The following CELF2 variants were observed in gnomAD, a reference collection of about 807,000 sequenced individuals.
The protein encoded by CELF2 is CUGBP Elav-like family member 2.
CELF2 carries 8 observed loss-of-function variants against 62.6 expected under a neutral mutation model. That is an observed-to-expected ratio of 0.13 (90% CI 0.07 to 0.23). CELF2 has a LOEUF of 0.23. Among genes scored for constraint, CELF2 ranks in the 10% least tolerant of loss-of-function variants. CELF2 has a pLI of 1.00. For missense variants in CELF2, 333 were observed against 671.0 expected (o/e 0.50, Z 5.56); for synonymous variants, 258 against 250.0 (o/e 1.03, Z -0.30).
chr10:10,856,637 T>C (rs989833541), intron 1 of CELF2, among the ~76,000 whole-genome samples: 1 of 152,212 alleles, frequency 6.6e-6, no homozygotes, highest in Admixed American at 6.5e-5. Flanking sequence ...GTTGAGTCAC[T>C]AGACACATTT....
intron 1 of CELF2, among the ~76,000 whole-genome samples, chr10:11,103,393 AT>A (rs1424502824): frequency 4.8e-5 from 7 of 146,478 alleles, no homozygotes; most frequent in Admixed American, 3.4e-4. Flanking sequence ...TTTCACTTAC[AT>A]TTTTATTAAC....
chr10:10,586,848 C>T, the CELF2 span, among the ~76,000 whole-genome samples: 1 of 152,130 alleles, frequency 6.6e-6, no homozygotes, highest in Non-Finnish European at 1.5e-5. Context: ...GTGGTTCTTA[C>T]AGTCAGGAGG....
At chr10:11,067,262 C>T (rs1343264468) in intron 1 of CELF2, among the ~76,000 whole-genome samples, 1 of 152,182 alleles carries the variant, frequency 6.6e-6, no homozygotes, top group Non-Finnish European at 1.5e-5. Flanking sequence ...AGATTAAAAA[C>T]ACTGGGCTTA....
At chr10:11,206,970 C>CG (rs1331989624) in intron 2 of CELF2, among the ~76,000 whole-genome samples, 1 of 151,972 alleles carries the variant, frequency 6.6e-6, no homozygotes, top group African/African-American at 2.4e-5. Flanking sequence ...ATTGTCCCAT[C>CG]GGGGGAAAAA....
chr10:11,159,552 C>G lies in CELF2; in HGVS notation c.75-5934C>G, dbSNP rs1023464510. 2.0e-5 allele frequency among the ~76,000 whole-genome samples: 3 copies of G among 152,200 alleles called. No homozygotes were observed. Among genetic ancestry groups the G allele is most frequent in the African/African-American group, 7.2e-5 (3 of 41,432 alleles). On this transcript the variant is annotated intron_variant, in intron 1 of 12. Transcript: ENST00000633077. This position sits in a 1 kb window ranked among gnomAD's most constrained non-coding sequence, Gnocchi z 5.0. ...AGGGCCTGAGTTTCTGATGTGTTCTCCAGCATGCAGTGTGGGAAGGAGCTG... is the reference window on the plus strand; with the variant it reads ...AGGGCCTGAGTTTCTGATGTGTTCTGCAGCATGCAGTGTGGGAAGGAGCTG...
At chr10:11,312,619 T>G (rs2094624115) in intron 9 of CELF2, among the ~76,000 whole-genome samples, 1 of 152,130 alleles carries the variant, frequency 6.6e-6, no homozygotes, top group South Asian at 2.1e-4. Context: ...ACTTCCAAAG[T>G]AGTAGAGAGG....
At position 10,957,087 on chromosome 10, in the gene CELF2, T is replaced by C. The variant is rs191025849; in HGVS notation, c.89+37088T>C. 6.6e-6 allele frequency among the ~76,000 whole-genome samples: 1 copy of C among 152,310 alleles called. No homozygotes were observed. Among genetic ancestry groups the C allele is most frequent in the Admixed American group, 6.5e-5 (1 of 15,306 alleles). ...CACTTCAGGATCAAGTGTAGACTCT[T>C]GCACAAGGGAGCTCTGGAAGTATTT... is the stretch of plus-strand genomic sequence containing the variant. On this transcript the variant is annotated intron_variant, in intron 2 of 13. Coordinates refer to the CELF2 transcript ENST00000636488. This position sits in a 1 kb window ranked among gnomAD's most constrained non-coding sequence, Gnocchi z 4.1.
chr10:11,035,853 G>A (rs1040298904), intron 1 of CELF2, among the ~76,000 whole-genome samples: 6 of 152,172 alleles, frequency 3.9e-5, no homozygotes, highest in African/African-American at 1.4e-4. Flanking sequence ...AGCTTAGAGA[G>A]GCAGGCTAAA....
At chr10:10,757,283 A>G in the CELF2 span, among the ~76,000 whole-genome samples, 6 of 149,084 alleles carry the variant, frequency 4.0e-5, no homozygotes, top group Non-Finnish European at 8.9e-5. Context: ...CAAAGCAAGA[A>G]CCCTTCTCTA....
At chr10:10,804,085 T>C (rs554036884) in intron 1 of CELF2, among the ~76,000 whole-genome samples, 2 of 152,352 alleles carry the variant, frequency 1.3e-5, no homozygotes, top group African/African-American at 2.4e-5. Context: ...AATTCTAAAA[T>C]CCTCTCTGAG....
At chr10:10,585,330 C>A in the CELF2 span, among the ~76,000 whole-genome samples, 1 of 152,118 alleles carries the variant, frequency 6.6e-6, no homozygotes, top group Non-Finnish European at 1.5e-5. Flanking sequence ...CAGGACTGGC[C>A]CACAGCCATT....
chr10:11,191,425 G>A lies in CELF2; in HGVS notation c.271+25743G>A, dbSNP rs535561549. Among the ~76,000 whole-genome samples the A allele has an allele frequency of 1.1e-4, 17 of 152,278 alleles. No homozygotes were observed. Among genetic ancestry groups the A allele is most frequent in the African/African-American group, 3.6e-4 (15 of 41,546 alleles). ...TGGGAGGTACCCCAGGCAATGAAAC[G>A]GAGAGGTGTCTCCTGGTGTTGCAGT... On this transcript the variant is annotated intron_variant, in intron 2 of 12. Coordinates refer to ENST00000633077, the MANE Select transcript of CELF2 (RefSeq NM_001326342.2). This position sits in a 1 kb window ranked among gnomAD's most constrained non-coding sequence, Gnocchi z 4.1.
chr10:11,196,657 AC>A (rs2057573846), intron 2 of CELF2, among the ~76,000 whole-genome samples: 6 of 150,260 alleles, frequency 4.0e-5, no homozygotes, highest in Admixed American at 4.0e-4. Context: ...TTTAAAAAAA[AC>A]AAAACAAAAC....
At chr10:11,099,682 A>G (rs547963540) in intron 1 of CELF2, among the ~76,000 whole-genome samples, 64 of 152,184 alleles carry the variant, frequency 4.2e-4, no homozygotes, top group South Asian at 1.9e-3. Context: ...TCTTCAACAC[A>G]TTTCTTTGTT....
At chr10:11,015,896 A>G (rs1231954176), upstream of CELF2, among the ~76,000 whole-genome samples, 1 of 152,240 alleles carries the variant, frequency 6.6e-6, no homozygotes, top group Non-Finnish European at 1.5e-5. This position sits in a 1 kb window ranked among gnomAD's most constrained non-coding sequence, Gnocchi z 4.8. Flanking sequence ...AGAAGCGTAC[A>G]TGTTAATGAA....
upstream of CELF2, among the ~76,000 whole-genome samples, chr10:10,796,441 C>T (rs564236958): frequency 1.2e-4 from 18 of 152,334 alleles, 1 homozygote; most frequent in South Asian, 1.9e-3. Flanking sequence ...GAAAAGACAG[C>T]TGCTTTAAAA....
chr10:10,662,630 C>A, the CELF2 span, among the ~76,000 whole-genome samples: 1 of 152,168 alleles, frequency 6.6e-6, no homozygotes, highest in Non-Finnish European at 1.5e-5. Flanking sequence ...TGACCCCCTT[C>A]TCCATGACCC....
chr10:11,151,197 G>T (rs543113338), intron 1 of CELF2, among the ~76,000 whole-genome samples: 2 of 152,154 alleles, frequency 1.3e-5, no homozygotes, highest in Non-Finnish European at 2.9e-5. Flanking sequence ...CTCCGGTCCC[G>T]TAGTCCAAAT....
chr10:10,987,971 G>T (rs2052980831), intron 2 of CELF2, among the ~76,000 whole-genome samples: 1 of 152,108 alleles, frequency 6.6e-6, no homozygotes, highest in Non-Finnish European at 1.5e-5. Context: ...GTAGATGTTG[G>T]CATGGATGTG....
Sources: gnomAD v4.1 joint callset for allele counts (sites outside exome capture counted in the v4.1 genomes callset) on GRCh38, gnomAD v4.1.1 for gene constraint, Gnocchi (gnomAD v3.1) non-coding constraint, MANE v1.5 for transcripts, NCBI Gene and HGNC (gene_info 2026-07-23, HGNC 2026-07-21) for gene names.